The following ZNF451 variants were observed in gnomAD, a reference collection of about 807,000 sequenced individuals.
ZNF451 encodes the protein E3 SUMO-protein ligase ZNF451.
A neutral mutation model predicts 107.1 loss-of-function variants in ZNF451; 80 were observed. That is an observed-to-expected ratio of 0.75 (90% CI 0.62 to 0.90). The LOEUF (loss-of-function observed/expected upper bound fraction) is 0.90, where lower values mean the gene tolerates loss of function less well. Ranked by LOEUF, ZNF451 falls within the 40% of genes least tolerant of loss-of-function variation. The pLI is 0.00. For missense variants in ZNF451, 1,107 were observed against 1,236.2 expected, an observed-to-expected ratio of 0.90 and a Z score of 1.57; for synonymous variants, 362 against 406.5, an observed-to-expected ratio of 0.89 and a Z score of 1.32.
intron 14 of ZNF451, among the ~76,000 whole-genome samples, chr6:57,166,932 G>C (rs566756175): frequency 1.3e-5 from 2 of 152,280 alleles, no homozygotes; most frequent in South Asian, 2.1e-4. Context: ...CGCAGCACAT[G>C]ACCATACTTG....
At position 57,153,849 on chromosome 6, in the gene ZNF451, G is replaced by A. The variant is rs1242001417; in HGVS notation, c.2884-12G>A. ...GATTTTTTATCAACCTGTGCCATTT[G>A]TTCTAACTTAGGCTGGCCGTCTAGA... is the stretch of plus-strand genomic sequence containing the variant. On this transcript the variant is annotated splice_polypyrimidine_tract_variant and intron_variant, in intron 12 of 14. Transcript: ENST00000370706. 10 of 1,613,374 alleles carry A rather than the reference G, an allele frequency of 6.2e-6. No individual in the cohort carries two copies. The highest frequency in any genetic ancestry group is 7.6e-6 in the Non-Finnish European group (9 of 1,179,850).
intron 3 of ZNF451, among the ~76,000 whole-genome samples, chr6:57,120,243 C>T (rs1830575033): frequency 1.3e-5 from 2 of 152,192 alleles, no homozygotes; most frequent in Non-Finnish European, 2.9e-5. Context: ...TGTCTTTTCA[C>T]AGCTTGATAG....
chr6:57,116,877 A>T (rs2127953340), intron 3 of ZNF451: 1 of 151,256 alleles, frequency 6.6e-6, no homozygotes, highest in East Asian at 1.9e-4. Context: ...AGGTGGGAGG[A>T]TTGCTTGAGC....
chr6:57,148,179 A>G lies in ZNF451; in HGVS notation c.2094A>G (p.Ser698=). Residue 698 remains serine, a synonymous_variant, in exon 10 of 15, where the codon TCA becomes TCG. Coordinates refer to ENST00000370706, the MANE Select transcript of ZNF451 (RefSeq NM_001031623.3). ...EHHSIDYVFV[S]EKTETSIKTE... ...ACAGCATAGATTATGTATTTGTGTC[A>G]GAAAAAACTGAAACTTCAATTAAAA... 2 of 1,614,108 alleles carry G rather than the reference A, an allele frequency of 1.2e-6. No individual in the cohort carries two copies. Among genetic ancestry groups the G allele is most frequent in the Non-Finnish European group, 8.5e-7 (1 of 1,179,984 alleles).
rs898774450 is a variant in ZNF451, at chr6:57,169,343, G to A, written c.*874G>A. Reference sequence around the variant, plus strand: ...TTTTATTTCATGTGAAGTGTTTTCAGTTTAGTTATTCACTGAATTGTCAGT... The same window carrying A: ...TTTTATTTCATGTGAAGTGTTTTCAATTTAGTTATTCACTGAATTGTCAGT... On this transcript the variant is annotated 3_prime_UTR_variant, in exon 15 of 15. Coordinates refer to ENST00000370706, the MANE Select transcript of ZNF451 (RefSeq NM_001031623.3). 1.3e-5 allele frequency: 2 copies of A among 151,966 alleles called. No individual in the cohort carries two copies. Among genetic ancestry groups the A allele is most frequent in the African/African-American group, 4.8e-5 (2 of 41,412 alleles). The allele number at this position is 151,966 out of a possible 1,614,324, so 9.4% of individuals were successfully genotyped here.
At chr6:57,124,981 C>T in intron 4 of ZNF451, 122 bp downstream of exon 4, 1 of 513,978 alleles carries the variant, frequency 1.9e-6, no homozygotes, top group Non-Finnish European at 3.0e-6. Context: ...CCCTAGATAG[C>T]TCATGAATTT....
At chr6:57,159,456 C>G (rs1383412177) in intron 13 of ZNF451, 4 of 918,498 alleles carry the variant, frequency 4.4e-6, no homozygotes, top group African/African-American at 1.8e-5. Context: ...CCACGGGCCA[C>G]ATGTGGCCCA....
chr6:57,103,867 A>G (rs1829721975), intron 3 of ZNF451: 1 of 985,242 alleles, frequency 1.0e-6, no homozygotes, highest in African/African-American at 1.7e-5. Context: ...CATCATAACC[A>G]TATTCAGCAC....
intron 3 of ZNF451, among the ~76,000 whole-genome samples, chr6:57,117,360 G>A: frequency 6.6e-6 from 1 of 150,956 alleles, no homozygotes; most frequent in Admixed American, 6.6e-5. Flanking sequence ...GATTAGGGAA[G>A]CTCAACTTGT....
chr6:57,109,786 G>A lies in ZNF451; in HGVS notation c.186+10645G>A, dbSNP rs1037240717. ...AAAATAAGAGAATGTAGAATGAGGA[G>A]TTAGAGTGTATATGTATGTGTATAC... On this transcript the variant is annotated intron_variant, in intron 3 of 14. Coordinates refer to ENST00000370706, the MANE Select transcript of ZNF451 (RefSeq NM_001031623.3). The A allele has an allele frequency of 5.0e-5, 42 of 847,076 alleles. No homozygotes were observed. The African/African-American group carries it at 6.4e-4, about 13-fold the overall frequency. 52.5% of individuals were successfully genotyped at this position (847,076 alleles called of 1,614,324 possible).
At chr6:57,115,810 T>C (rs1311189639) in intron 3 of ZNF451, among the ~76,000 whole-genome samples, 1 of 152,228 alleles carries the variant, frequency 6.6e-6, no homozygotes. Flanking sequence ...TTGGCTAGCA[T>C]TGATAGCTTA....
chr6:57,138,044 G>A (rs974897819), intron 7 of ZNF451, among the ~76,000 whole-genome samples: 3 of 152,100 alleles, frequency 2.0e-5, no homozygotes, highest in Admixed American at 6.5e-5. Context: ...TGGCTGTTAC[G>A]AACAATGCTT....
chr6:57,126,329 C>T (rs778245886), intron 4 of ZNF451, among the ~76,000 whole-genome samples: 26 of 151,828 alleles, frequency 1.7e-4, no homozygotes, highest in Non-Finnish European at 1.0e-4. Flanking sequence ...TGCTATCCAG[C>T]CATAATTTTG....
chr6:57,141,231 T>C (rs560621257), intron 7 of ZNF451, 71 bp from the exon 8 acceptor site: 1 of 1,295,322 alleles, frequency 7.7e-7, no homozygotes, highest in South Asian at 2.3e-5. Flanking sequence ...ATAGGAAATT[T>C]TGAAAGTTTT....
At position 57,100,962 on chromosome 6, in the gene ZNF451, C is replaced by T. The variant is rs770843908; in HGVS notation, c.186+1821C>T. On this transcript the variant is annotated intron_variant, in intron 3 of 14. Coordinates refer to ENST00000370706, the MANE Select transcript of ZNF451 (RefSeq NM_001031623.3). Reference sequence around the variant, plus strand: ...CTTCACAGCATGGACGGGATGCCATCCTCTATCTCCAGACACAAGTAGCTG... The same window carrying T: ...CTTCACAGCATGGACGGGATGCCATTCTCTATCTCCAGACACAAGTAGCTG... 20 of 1,550,966 alleles carry T rather than the reference C, an allele frequency of 1.3e-5. No homozygotes were observed. The South Asian group carries it at 1.9e-4, about 15-fold the overall frequency.
chr6:57,103,087 T>C lies in ZNF451; in HGVS notation c.186+3946T>C, dbSNP rs1307318033. On this transcript the variant is annotated intron_variant, in intron 3 of 14. Transcript: ENST00000370706. ...TCTAAATACAAAAAAGATACGCACA[T>C]CAGTGCCCTGGAAATAAAGGATGTT... The C allele has an allele frequency of 7.1e-6, 7 of 985,292 alleles. No individual in the cohort carries two copies. In the African/African-American group the frequency reaches 1.2e-4, roughly 17 times the overall value. The allele number at this position is 985,292 out of a possible 1,614,324, so 61.0% of individuals were successfully genotyped here. A position where few individuals can be genotyped will look rare whatever the true frequency, so the allele number is the denominator to read the frequency against.
intron 8 of ZNF451, 108 bp downstream of exon 8, chr6:57,141,563 A>C: frequency 9.5e-7 from 1 of 1,049,220 alleles, no homozygotes; most frequent in Non-Finnish European, 1.3e-6. Context: ...TTAGTTTTAG[A>C]ACTATGAAAG....
chr6:57,105,144 C>T, intron 3 of ZNF451: 1 of 985,394 alleles, frequency 1.0e-6, no homozygotes, highest in Non-Finnish European at 1.2e-6. Flanking sequence ...CTGCCATGTT[C>T]AGAACCTGCA....
intron 6 of ZNF451, 98 bp downstream of exon 6, chr6:57,133,290 A>T (rs143832512): frequency 1.3e-5 from 15 of 1,144,338 alleles, no homozygotes; most frequent in Non-Finnish European, 1.7e-5. Context: ...CATTATGATT[A>T]TATAGCTTTA....
Sources: allele counts gnomAD v4.1 joint callset (sites outside exome capture counted in the v4.1 genomes callset), GRCh38; gene constraint gnomAD v4.1.1; transcripts MANE v1.5; gene names NCBI Gene and HGNC (gene_info 2026-07-23, HGNC 2026-07-21).